Variants in ZNF385D observed in about 807,000 individuals in gnomAD.
ZNF385D encodes the protein zinc finger protein 385D, also known as zinc finger protein 659.
In ZNF385D, 15 loss-of-function variants were observed where a neutral mutation model predicts 35.8. The observed-to-expected ratio is 0.42, with a 90% CI of 0.28 to 0.64. ZNF385D has a LOEUF of 0.64. Ranked by LOEUF, ZNF385D falls within the 30% of genes least tolerant of loss-of-function variation. The pLI is 0.23. For missense variants in ZNF385D, 474 were observed against 494.6 expected, an observed-to-expected ratio of 0.96 and a Z score of 0.39; for synonymous variants, 212 against 186.8, an observed-to-expected ratio of 1.13 and a Z score of -1.10.
At chr3:22,292,920 C>T (rs1702375936) in intron 2 of ZNF385D, among the ~76,000 whole-genome samples, 1 of 152,006 alleles carries the variant, frequency 6.6e-6, no homozygotes, top group African/African-American at 2.4e-5. Flanking sequence ...TTCTATTGTC[C>T]CATCCCAGAT....
At chr3:21,736,394 TAAGA>T (rs2069243835) in intron 1 of ZNF385D, among the ~76,000 whole-genome samples, 1 of 152,194 alleles carries the variant, frequency 6.6e-6, no homozygotes, top group African/African-American at 2.4e-5. Flanking sequence ...ATTAGAAATA[TAAGA>T]AAGAATCACT....
intron 3 of ZNF385D, among the ~76,000 whole-genome samples, chr3:22,112,147 T>C (rs569837745): frequency 6.6e-6 from 1 of 152,262 alleles, no homozygotes; most frequent in East Asian, 1.9e-4. Context: ...GTGTCAGTTT[T>C]TTAAAACTTA....
intron 1 of ZNF385D, among the ~76,000 whole-genome samples, chr3:21,718,492 C>T (rs1165533750): frequency 1.3e-5 from 2 of 152,116 alleles, no homozygotes; most frequent in Non-Finnish European, 2.9e-5. Context: ...ACTACGTGCC[C>T]GGATATTTGC....
chr3:21,866,765 A>T (rs1418558767), intron 3 of ZNF385D, among the ~76,000 whole-genome samples: 3 of 152,206 alleles, frequency 2.0e-5, no homozygotes, highest in Admixed American at 6.5e-5. Context: ...AAATATTTAC[A>T]GAATTTAATG....
rs1037061244 is a variant in ZNF385D at position 22,098,556 on chromosome 3, A to G, written c.325+70261T>C. ...CATTCTAAGAATGGTCATTTTAACA[A>G]CAGCAAGTAGAGGATTTTAAAGTTT... On this transcript the variant is annotated intron_variant, in intron 3 of 5. Coordinates refer to the ZNF385D transcript ENST00000494108. Among the ~76,000 whole-genome samples, 5 of 152,090 alleles carry G rather than the reference A, an allele frequency of 3.3e-5. No homozygotes were observed. The South Asian group carries it at 6.2e-4, about 19-fold the overall frequency.
intron 3 of ZNF385D, among the ~76,000 whole-genome samples, chr3:22,021,271 A>G (rs190644113): frequency 6.6e-6 from 1 of 152,144 alleles, no homozygotes; most frequent in East Asian, 1.9e-4. Context: ...AAAAGACTCA[A>G]CATGTGAAGC....
At chr3:21,744,305 C>T (rs1027252548) in intron 1 of ZNF385D, among the ~76,000 whole-genome samples, 1 of 152,196 alleles carries the variant, frequency 6.6e-6, no homozygotes, top group Non-Finnish European at 1.5e-5. Flanking sequence ...TATTAAAGTA[C>T]ATTTACATTC....
intron 3 of ZNF385D, among the ~76,000 whole-genome samples, chr3:21,540,072 C>T (rs2062135415): frequency 6.6e-6 from 1 of 152,140 alleles, no homozygotes; most frequent in East Asian, 1.9e-4. Flanking sequence ...ACATAGGCTA[C>T]ACTGCTTTTT....
At chr3:22,235,016 A>G (rs1470336216) in intron 2 of ZNF385D, among the ~76,000 whole-genome samples, 2 of 152,222 alleles carry the variant, frequency 1.3e-5, no homozygotes, top group South Asian at 2.1e-4. Flanking sequence ...TCTCAACCAC[A>G]TAAAGAGAAG....
chr3:21,966,618 G>A (rs1422528143), intron 3 of ZNF385D, among the ~76,000 whole-genome samples: 1 of 152,172 alleles, frequency 6.6e-6, no homozygotes, highest in Non-Finnish European at 1.5e-5. Flanking sequence ...GTCACACTCT[G>A]TAGCCCAGGT....
At chr3:21,688,244 T>A (rs966777400) in intron 1 of ZNF385D, among the ~76,000 whole-genome samples, 1 of 152,186 alleles carries the variant, frequency 6.6e-6, no homozygotes, top group Non-Finnish European at 1.5e-5. Flanking sequence ...TAATTGTATA[T>A]CTTAAATATA....
chr3:21,586,326 TAAATG>T (rs1359438313), intron 2 of ZNF385D, among the ~76,000 whole-genome samples: 1 of 152,092 alleles, frequency 6.6e-6, no homozygotes, highest in Non-Finnish European at 1.5e-5. Flanking sequence ...CTGGGAAGAT[TAAATG>T]AAATAATATA....
chr3:22,278,440 C>T (rs1254806603), intron 2 of ZNF385D, among the ~76,000 whole-genome samples: 1 of 152,108 alleles, frequency 6.6e-6, no homozygotes, highest in Non-Finnish European at 1.5e-5. Flanking sequence ...TTTCTGTTTG[C>T]CACTAATTGT....
intron 3 of ZNF385D, among the ~76,000 whole-genome samples, chr3:21,858,157 CAAAA>C (rs34471727): frequency 8.4e-6 from 1 of 119,622 alleles, no homozygotes. Flanking sequence ...AAGAGTCTAT[CAAAA>C]AAAAAAAAAA....
intron 3 of ZNF385D, among the ~76,000 whole-genome samples, chr3:21,770,757 A>G (rs2071039665): frequency 6.6e-6 from 1 of 152,326 alleles, no homozygotes; most frequent in Admixed American, 6.5e-5. Flanking sequence ...CCAAATGATT[A>G]TAAATCATGC....
intron 3 of ZNF385D, among the ~76,000 whole-genome samples, chr3:21,858,384 G>A (rs758151389): frequency 6.6e-6 from 1 of 151,700 alleles, no homozygotes; most frequent in Non-Finnish European, 1.5e-5. Flanking sequence ...TGGTCTGAAT[G>A]TTTATGTCCC....
intron 3 of ZNF385D, among the ~76,000 whole-genome samples, chr3:21,777,339 C>T (rs970415029): frequency 1.3e-5 from 2 of 151,904 alleles, no homozygotes; most frequent in Non-Finnish European, 2.9e-5. Context: ...AAAGCCTTTC[C>T]TCTACTCCAC....
chr3:21,822,796 C>T (rs1204647924), intron 3 of ZNF385D, among the ~76,000 whole-genome samples: 1 of 150,736 alleles, frequency 6.6e-6, no homozygotes, highest in African/African-American at 2.4e-5. Context: ...ATCTCGAAAA[C>T]AATGTTGAGT....
At chr3:22,317,513 C>A (rs1176955442) in intron 2 of ZNF385D, among the ~76,000 whole-genome samples, 1 of 151,980 alleles carries the variant, frequency 6.6e-6, no homozygotes, top group African/African-American at 2.4e-5. Context: ...ATAAAACCAC[C>A]TTTGATGCTG....
Sources: gnomAD v4.1 joint callset for allele counts (sites outside exome capture counted in the v4.1 genomes callset) on GRCh38, gnomAD v4.1.1 for gene constraint, MANE v1.5 for transcripts, NCBI Gene and HGNC (gene_info 2026-07-23, HGNC 2026-07-21) for gene names.